The following PITPNM2 variants were observed in gnomAD, a reference collection of about 807,000 sequenced individuals.
The protein encoded by PITPNM2 is membrane-associated phosphatidylinositol transfer protein 2.
A neutral mutation model predicts 132.2 loss-of-function variants in PITPNM2; 35 were observed. The observed-to-expected ratio is 0.26, with a 90% CI of 0.20 to 0.35. PITPNM2 has a LOEUF of 0.35. Among genes scored for constraint, PITPNM2 ranks in the 10% least tolerant of loss-of-function variants. The pLI, the probability that PITPNM2 is intolerant of heterozygous loss-of-function variation, is 1.00. For missense variants in PITPNM2, 1,332 were observed against 1,912.0 expected (o/e 0.70, Z 5.66); for synonymous variants, 738 against 799.2 (o/e 0.92, Z 1.29).
chr12:123,054,286 T>A (rs1165211740), intron 2 of PITPNM2, among the ~76,000 whole-genome samples: 1 of 152,128 alleles, frequency 6.6e-6, no homozygotes, highest in Admixed American at 6.5e-5. Flanking sequence ...TTCAGTTGAA[T>A]CCCATTTTCA....
In PITPNM2 at chr12:123,014,035, C is replaced by G. The variant is rs2039317807; in HGVS notation, c.86G>C (p.Ser29Thr). The part of the protein sequence containing the change: ...IAQLYMIQKK[S>T]RNETYGEGSG... The stretch of plus-strand genomic sequence containing the variant: ...GCCTTCGCCATATGTCTCGTTACGG[C>G]TCTTCTTCTGTGGGGACAAAAGCAC... The change falls in exon 4 of 26, where the codon AGC (serine) becomes ACC (threonine). Residue 29 changes from serine (S) to threonine (T), a missense_variant. Ser to Thr is a moderately conservative substitution (Grantham distance 58, BLOSUM62 1). This residue lies in a region of PITPNM2 where 83 missense variants were observed against 118.7 expected (regional missense o/e 0.70). Transcript: ENST00000320201. 6.2e-7 allele frequency: 1 copy of G among 1,614,220 alleles called. No homozygotes were observed. Among genetic ancestry groups the G allele is most frequent in the Non-Finnish European group, 8.5e-7 (1 of 1,180,038 alleles).
chr12:123,062,132 C>G (rs1040605705), intron 2 of PITPNM2, among the ~76,000 whole-genome samples: 12 of 152,118 alleles, frequency 7.9e-5, no homozygotes, highest in African/African-American at 2.9e-4. Flanking sequence ...TTGCTGCTTC[C>G]CATTTCAACA....
At position 123,095,366 on chromosome 12, in the gene PITPNM2, C is replaced by T. The variant is rs1035263849; in HGVS notation, c.-96+15019G>A. On this transcript the variant is annotated intron_variant, in intron 2 of 25. Coordinates refer to ENST00000320201, the MANE Select transcript of PITPNM2 (RefSeq NM_020845.3). The surrounding 1 kb of genome is among the most constrained non-coding windows in gnomAD (Gnocchi z 5.0). ...GCAGCCCCTGCTGACGATTGCTCTG[C>T]GCTGCCATCTTTAGAAACAATCATT... Among the ~76,000 whole-genome samples, 1 of 152,192 alleles carries T rather than the reference C, an allele frequency of 6.6e-6. No individual in the cohort carries two copies. The highest frequency in any genetic ancestry group is 2.4e-5 in the African/African-American group (1 of 41,440).
Position 122,995,567 on chromosome 12 carries a change from C to G in PITPNM2, c.1876G>C (p.Gly626Arg). ...GGGGGGGSSGGGGSSGGSSLE... is the reference protein window; with the variant it reads ...GGGGGGGSSGRGGSSGGSSLE... Reference sequence around the variant, plus strand: ...CTGGAGCCACCACTACTGCCACCACCACCACTGCTGCCACCACCGCCACCG... The same window carrying G: ...CTGGAGCCACCACTACTGCCACCACGACCACTGCTGCCACCACCGCCACCG... Residue 626 changes from glycine (G) to arginine (R), a missense_variant, in exon 14 of 26, where the codon GGT becomes CGT. Transcript: ENST00000320201. 1 of 1,608,416 alleles carries G rather than the reference C, an allele frequency of 6.2e-7. No homozygotes were observed. Among genetic ancestry groups the G allele is most frequent in the South Asian group, 1.1e-5 (1 of 91,066 alleles).
chr12:123,059,503 C>CA (rs2041162058), intron 2 of PITPNM2, among the ~76,000 whole-genome samples: 1 of 152,242 alleles, frequency 6.6e-6, no homozygotes, highest in Non-Finnish European at 1.5e-5. Context: ...CATACACACC[C>CA]ACTAATGCCC....
intron 2 of PITPNM2, among the ~76,000 whole-genome samples, chr12:123,037,469 A>T (rs1021847805): frequency 6.6e-6 from 1 of 152,080 alleles, no homozygotes; most frequent in African/African-American, 2.4e-5. Context: ...TGCAGCACCC[A>T]CTCCGCCTCT....
At chr12:123,127,678 C>G (rs993599778) in intron 1 of PITPNM2, among the ~76,000 whole-genome samples, 1 of 149,280 alleles carries the variant, frequency 6.7e-6, no homozygotes, top group Non-Finnish European at 1.5e-5. Context: ...GGCGTGATCT[C>G]GGCTCACGGC....
chr12:123,096,627 C>A (rs1324623796), intron 2 of PITPNM2, among the ~76,000 whole-genome samples: 1 of 152,136 alleles, frequency 6.6e-6, no homozygotes, highest in Non-Finnish European at 1.5e-5. Context: ...AAGGAGACAG[C>A]CACAGGCCCG....
At chr12:122,988,494 A>G in intron 19 of PITPNM2, 144 bp from the exon 20 acceptor site, 1 of 804,894 alleles carries the variant, frequency 1.2e-6, no homozygotes, top group Non-Finnish European at 2.0e-6. Flanking sequence ...TCTGCCCAGT[A>G]GCCCTCAGAC....
chr12:123,006,196 T>G (rs1426912096), intron 6 of PITPNM2: 1 of 152,106 alleles, frequency 6.6e-6, no homozygotes, highest in Non-Finnish European at 1.5e-5. Context: ...CCTGAGAGTC[T>G]CGTGTCTCAG....
chr12:123,019,176 C>T (rs1051163385), intron 3 of PITPNM2, among the ~76,000 whole-genome samples: 110 of 152,210 alleles, frequency 7.2e-4, no homozygotes, highest in African/African-American at 2.6e-3. Flanking sequence ...AACCTTTGAA[C>T]TGTACACTTT....
In PITPNM2 at chr12:123,025,568, G is replaced by T. The variant is rs189684857; in HGVS notation, c.78+8945C>A. 3.3e-3 allele frequency among the ~76,000 whole-genome samples: 497 copies of T among 152,132 alleles called. 5 individuals are homozygous for T. The highest frequency in any genetic ancestry group is 0.012 in the African/African-American group (482 of 41,474). On this transcript the variant is annotated intron_variant, in intron 3 of 25. Transcript: ENST00000320201. Reference sequence around the variant, plus strand: ...CTGCCTCAGCCTCCTGAGTAGCTGGGATTACAGGCATGAGCCACCACACCT... The same window carrying T: ...CTGCCTCAGCCTCCTGAGTAGCTGGTATTACAGGCATGAGCCACCACACCT...
intron 1 of PITPNM2, among the ~76,000 whole-genome samples, chr12:123,129,202 GA>G (rs970090280): frequency 2.0e-5 from 3 of 152,042 alleles, no homozygotes; most frequent in Admixed American, 2.0e-4. Flanking sequence ...TCGGCAGGCT[GA>G]GGCAGGGGAA....
chr12:123,041,012 A>AT (rs1270085535), intron 2 of PITPNM2, among the ~76,000 whole-genome samples: 3 of 152,198 alleles, frequency 2.0e-5, no homozygotes, highest in Non-Finnish European at 4.4e-5. Context: ...CAGCTGTAGC[A>AT]TTTGAGTGGT....
intron 3 of PITPNM2, among the ~76,000 whole-genome samples, chr12:123,017,961 T>G (rs1053002755): frequency 6.6e-6 from 1 of 151,338 alleles, no homozygotes; most frequent in African/African-American, 2.4e-5. Flanking sequence ...TCATTTTCTT[T>G]TCTTTCTTCC....
intron 2 of PITPNM2, among the ~76,000 whole-genome samples, chr12:123,100,730 A>G (rs2042544336): frequency 6.6e-6 from 1 of 152,168 alleles, no homozygotes; most frequent in Non-Finnish European, 1.5e-5. Context: ...GCAAAAGACC[A>G]TATCATCTTA....
At chr12:123,041,805 G>A (rs1267547265) in intron 2 of PITPNM2, among the ~76,000 whole-genome samples, 4 of 152,096 alleles carry the variant, frequency 2.6e-5, no homozygotes, top group Non-Finnish European at 2.9e-5. Flanking sequence ...CTGGGTGGTC[G>A]CCCACATGCA....
chr12:123,119,355 A>ACTTTTT (rs762896348), intron 1 of PITPNM2, among the ~76,000 whole-genome samples: 2 of 129,306 alleles, frequency 1.5e-5, no homozygotes, highest in African/African-American at 5.6e-5. Flanking sequence ...GAGGATGGTG[A>ACTTTTT]TTTTTTTTTT....
At chr12:123,065,056 C>G (rs1056058971) in intron 2 of PITPNM2, among the ~76,000 whole-genome samples, 1 of 152,214 alleles carries the variant, frequency 6.6e-6, no homozygotes, top group Non-Finnish European at 1.5e-5. Flanking sequence ...GCTACAGCCC[C>G]CATTCTGCAG....
Sources: allele counts gnomAD v4.1 joint callset (sites outside exome capture counted in the v4.1 genomes callset), GRCh38; gene constraint gnomAD v4.1.1; regional missense constraint gnomAD v4.1.1; non-coding constraint Gnocchi (gnomAD v3.1); transcripts MANE v1.5; gene names NCBI Gene and HGNC (gene_info 2026-07-23, HGNC 2026-07-21).